Variants in GABRG3 observed in about 807,000 individuals in gnomAD.
The protein encoded by GABRG3 is gamma-aminobutyric acid receptor subunit gamma-3.
In GABRG3, 25 loss-of-function variants were observed where a neutral mutation model predicts 48.8. That is an observed-to-expected ratio of 0.51 (90% CI 0.37 to 0.72). The LOEUF (loss-of-function observed/expected upper bound fraction) is 0.72, where lower values mean the gene tolerates loss of function less well. Ranked by LOEUF, GABRG3 falls within the 30% of genes least tolerant of loss-of-function variation. The probability of loss-of-function intolerance (pLI) is 0.00; values close to 1 mark genes in which losing one functional copy is unlikely to be tolerated. For missense variants in GABRG3, 394 were observed against 577.9 expected (o/e 0.68, Z 3.26); for synonymous variants, 227 against 217.6 (o/e 1.04, Z -0.38).
chr15:27,235,214 CAT>C (rs1204978291), intron 3 of GABRG3, among the ~76,000 whole-genome samples: 1 of 151,906 alleles, frequency 6.6e-6, no homozygotes, highest in Non-Finnish European at 1.5e-5. Context: ...AGAAATAAAA[CAT>C]AATGTCCGCC....
chr15:27,391,764 A>G (rs1399180066), intron 5 of GABRG3, among the ~76,000 whole-genome samples: 1 of 152,220 alleles, frequency 6.6e-6, no homozygotes, highest in Non-Finnish European at 1.5e-5. Flanking sequence ...TTCTATTTTC[A>G]TGTCCACAGT....
At chr15:27,165,170 G>A (rs1887331898) in intron 3 of GABRG3, among the ~76,000 whole-genome samples, 1 of 152,182 alleles carries the variant, frequency 6.6e-6, no homozygotes, top group African/African-American at 2.4e-5. Flanking sequence ...TCCTCTCCCA[G>A]ATAATTTTCT....
intron 3 of GABRG3, among the ~76,000 whole-genome samples, chr15:27,113,060 A>G (rs1818912095): frequency 6.6e-6 from 1 of 152,074 alleles, no homozygotes; most frequent in Admixed American, 6.5e-5. Flanking sequence ...TATTTTGCAT[A>G]TATTTTCTCC....
chr15:27,047,316 C>T (rs545101400), intron 3 of GABRG3, among the ~76,000 whole-genome samples: 1 of 152,178 alleles, frequency 6.6e-6, no homozygotes, highest in Non-Finnish European at 1.5e-5. Context: ...TCGCAGGTCT[C>T]ATAATTATCT....
chr15:27,323,650 T>G (rs907906561), intron 3 of GABRG3, among the ~76,000 whole-genome samples: 13 of 152,342 alleles, frequency 8.5e-5, no homozygotes, highest in African/African-American at 3.1e-4. Context: ...CAGTCTGTTC[T>G]GCAGGGATGC....
At chr15:27,248,096 C>T (rs1890323697) in intron 3 of GABRG3, among the ~76,000 whole-genome samples, 1 of 152,224 alleles carries the variant, frequency 6.6e-6, no homozygotes, top group African/African-American at 2.4e-5. Context: ...CTACAGAACA[C>T]TTCTTCAGAT....
At chr15:27,083,006 G>A (rs1230261358) in intron 3 of GABRG3, among the ~76,000 whole-genome samples, 3 of 152,194 alleles carry the variant, frequency 2.0e-5, no homozygotes, top group Non-Finnish European at 4.4e-5. Flanking sequence ...TATAAAGGCT[G>A]TCTGTGTGTC....
At chr15:27,486,621 A>G (rs1248129780) in intron 6 of GABRG3, among the ~76,000 whole-genome samples, 1 of 152,160 alleles carries the variant, frequency 6.6e-6, no homozygotes, top group Non-Finnish European at 1.5e-5. Flanking sequence ...ACTTGAACAT[A>G]TCTGCACCAC....
chr15:27,019,815 G>A (rs936288778), intron 2 of GABRG3, among the ~76,000 whole-genome samples: 1 of 152,168 alleles, frequency 6.6e-6, no homozygotes, highest in African/African-American at 2.4e-5. Flanking sequence ...GGGGGCATGA[G>A]AGTTAATGTT....
intron 3 of GABRG3, among the ~76,000 whole-genome samples, chr15:27,191,989 T>G (rs1281472808): frequency 6.6e-6 from 1 of 152,094 alleles, no homozygotes; most frequent in Admixed American, 6.6e-5. Context: ...TTATGAAGCT[T>G]AGTTTGGCTG....
chr15:26,996,623 T>G (rs994312800), intron 2 of GABRG3, among the ~76,000 whole-genome samples: 2 of 136,010 alleles, frequency 1.5e-5, no homozygotes, highest in African/African-American at 5.0e-5. Context: ...TATACTGGCT[T>G]ATTTATTTAT....
chr15:27,431,033 AAATAAATC>A (rs1262943502), intron 5 of GABRG3, among the ~76,000 whole-genome samples: 5 of 150,238 alleles, frequency 3.3e-5, no homozygotes, highest in East Asian at 1.9e-4. Flanking sequence ...ATAAATAAAT[AAATAAATC>A]AGTAGTATAA....
intron 5 of GABRG3, among the ~76,000 whole-genome samples, chr15:27,386,592 A>C (rs1227046895): frequency 1.3e-5 from 2 of 151,924 alleles, no homozygotes; most frequent in African/African-American, 4.8e-5. Flanking sequence ...GCTCCAAATA[A>C]AGTCATCCTT....
At chr15:27,412,206 T>C (rs1041513004) in intron 5 of GABRG3, among the ~76,000 whole-genome samples, 2 of 152,106 alleles carry the variant, frequency 1.3e-5, no homozygotes, top group Non-Finnish European at 2.9e-5. Context: ...CCACATTCCC[T>C]TCCCTCATTT....
At chr15:27,464,068 G>GT (rs1449361806) in intron 5 of GABRG3, among the ~76,000 whole-genome samples, 6 of 152,008 alleles carry the variant, frequency 3.9e-5, no homozygotes, top group Non-Finnish European at 5.9e-5. Context: ...ACTACTCCAG[G>GT]TTTTTTTAAA....
At chr15:27,196,919 A>G (rs566971929) in intron 3 of GABRG3, among the ~76,000 whole-genome samples, 9 of 152,352 alleles carry the variant, frequency 5.9e-5, no homozygotes, top group African/African-American at 2.2e-4. Context: ...TGCTGTTGCC[A>G]GTATTTAGTA....
intron 6 of GABRG3, among the ~76,000 whole-genome samples, chr15:27,519,236 A>G (rs1891100536): frequency 6.6e-6 from 1 of 152,020 alleles, no homozygotes; most frequent in East Asian, 1.9e-4. Flanking sequence ...ATCAATGGAG[A>G]TGCTTTGGGG....
In GABRG3 at chr15:27,026,776, T is replaced by C; in HGVS notation, c.225T>C (p.Val75=). 1 of 1,611,844 alleles carries C rather than the reference T, an allele frequency of 6.2e-7. No homozygotes were observed. The highest frequency in any genetic ancestry group is 1.1e-5 in the South Asian group (1 of 90,414). ...CAGTAAAACCGACCGTAATTGACGT[T>C]GACATTTATGTTAACAGCATTGGTC... ...DIGIKPTVID[V]DIYVNSIGPV... The change falls in exon 3 of 10, where the codon GTT becomes GTC. Residue 75 remains valine, a synonymous_variant. Transcript: ENST00000615808.
intron 3 of GABRG3, among the ~76,000 whole-genome samples, chr15:27,106,065 T>A (rs768107834): frequency 2.0e-5 from 3 of 152,070 alleles, no homozygotes; most frequent in Admixed American, 6.5e-5. Context: ...ATATATGCAA[T>A]GTATAAAGTC....
Sources: gnomAD v4.1 joint callset for allele counts (sites outside exome capture counted in the v4.1 genomes callset) on GRCh38, gnomAD v4.1.1 for gene constraint, MANE v1.5 for transcripts, NCBI Gene and HGNC (gene_info 2026-07-23, HGNC 2026-07-21) for gene names.